The following DIAPH3 variants were observed in gnomAD, a reference collection of about 807,000 sequenced individuals.
DIAPH3 encodes diaphanous related formin 3.
DIAPH3 carries 117 observed loss-of-function variants against 144.3 expected under a neutral mutation model. That is an observed-to-expected ratio of 0.81 (90% CI 0.70 to 0.95). The LOEUF is 0.95. Ranked by LOEUF, DIAPH3 falls within the 40% of genes least tolerant of loss-of-function variation. The pLI is 0.00. For synonymous variants in DIAPH3, 519 were observed against 488.9 expected (o/e 1.06, Z -0.81); for missense variants, 1,421 against 1,412.7 (o/e 1.01, Z -0.09).
chr13:59,706,276 G>C (rs1009097898), intron 27 of DIAPH3, among the ~76,000 whole-genome samples: 1 of 152,046 alleles, frequency 6.6e-6, no homozygotes, highest in African/African-American at 2.4e-5. Context: ...GGTTGGTTGC[G>C]GCCACGGATG....
intron 16 of DIAPH3, 93 bp downstream of exon 16, chr13:59,970,759 A>G: frequency 8.8e-7 from 1 of 1,142,068 alleles, no homozygotes; most frequent in Non-Finnish European, 1.2e-6. Flanking sequence ...TTATGTAGGC[A>G]TAAATTAAAT....
At chr13:60,010,937 C>T (rs994593360) in intron 7 of DIAPH3, among the ~76,000 whole-genome samples, 1 of 151,816 alleles carries the variant, frequency 6.6e-6, no homozygotes, top group African/African-American at 2.4e-5. Context: ...GAAACCCCCT[C>T]TCTACTAAAA....
At chr13:59,813,141 T>TA (rs761714899) in intron 24 of DIAPH3, among the ~76,000 whole-genome samples, 190 of 136,360 alleles carry the variant, frequency 1.4e-3, no homozygotes, top group East Asian at 5.1e-3. Context: ...CGCAGAAACC[T>TA]AAAAAAAAAA....
intron 2 of DIAPH3, among the ~76,000 whole-genome samples, chr13:60,131,448 A>C (rs1313287248): frequency 1.3e-5 from 2 of 150,426 alleles, no homozygotes; most frequent in South Asian, 2.1e-4. Context: ...AAAAAAAAAA[A>C]AAAAAAAAAA....
intron 1 of DIAPH3, among the ~76,000 whole-genome samples, chr13:60,161,085 G>T (rs79494593): frequency 6.6e-6 from 1 of 152,126 alleles, no homozygotes; most frequent in Non-Finnish European, 1.5e-5. Flanking sequence ...TCTACTACTC[G>T]CTTGCTGCTT....
intron 27 of DIAPH3, among the ~76,000 whole-genome samples, chr13:59,726,017 G>A (rs1296936901): frequency 6.6e-6 from 1 of 152,044 alleles, no homozygotes; most frequent in Non-Finnish European, 1.5e-5. Flanking sequence ...ACTTGGTGGG[G>A]AAATATTTCT....
intron 24 of DIAPH3, among the ~76,000 whole-genome samples, chr13:59,816,768 CT>C (rs1241018831): frequency 2.0e-5 from 3 of 151,630 alleles, no homozygotes; most frequent in Non-Finnish European, 4.4e-5. Context: ...TAATCTGATA[CT>C]TTTATATAAT....
chr13:59,703,719 A>G (rs2034248870), intron 27 of DIAPH3, among the ~76,000 whole-genome samples: 1 of 152,154 alleles, frequency 6.6e-6, no homozygotes, highest in African/African-American at 2.4e-5. Context: ...TATTTGGATC[A>G]TCTAAATAAC....
At chr13:59,857,524 A>T (rs1283508765) in intron 22 of DIAPH3, among the ~76,000 whole-genome samples, 2 of 152,136 alleles carry the variant, frequency 1.3e-5, no homozygotes, top group Admixed American at 6.6e-5. Flanking sequence ...GGAAACAGAG[A>T]AATATGGCAA....
chr13:60,105,077 G>A (rs1214636169), intron 3 of DIAPH3, among the ~76,000 whole-genome samples: 1 of 107,792 alleles, frequency 9.3e-6, no homozygotes, highest in Non-Finnish European at 1.7e-5. Flanking sequence ...TCCAGCCTGG[G>A]CGACAAAGTG....
At chr13:59,917,261 A>T (rs866628943) in intron 18 of DIAPH3, among the ~76,000 whole-genome samples, 4 of 152,224 alleles carry the variant, frequency 2.6e-5, no homozygotes, top group Admixed American at 6.5e-5. Context: ...AACCATGGAT[A>T]TAAAAGCAGA....
chr13:60,057,470 C>T (rs551760167), intron 4 of DIAPH3, among the ~76,000 whole-genome samples: 2 of 152,110 alleles, frequency 1.3e-5, no homozygotes, highest in East Asian at 3.9e-4. Context: ...ACCATACTAC[C>T]TAAAGCAATC....
In DIAPH3 at chr13:59,684,041, G is replaced by A. The variant is rs766644671; in HGVS notation, c.3320-17195C>T. Among the ~76,000 whole-genome samples the A allele has an allele frequency of 1.1e-4, 17 of 151,422 alleles. 1 individual carries two copies. The highest frequency in any genetic ancestry group is 4.6e-4 in the Admixed American group (7 of 15,212). ...AAGTTGTTGTTAATATTCCCATTCT[G>A]CAGGGGGAGGAAAAAAAAAAAAACA... On this transcript the variant is annotated intron_variant, in intron 27 of 27. Coordinates refer to ENST00000400324, the MANE Select transcript of DIAPH3 (RefSeq NM_001042517.2).
At chr13:60,033,407 A>G (rs113760459) in intron 5 of DIAPH3, among the ~76,000 whole-genome samples, 1 of 152,144 alleles carries the variant, frequency 6.6e-6, no homozygotes, top group African/African-American at 2.4e-5. Context: ...GGTAATTTCT[A>G]AGGAAAAGAG....
chr13:59,795,494 G>A (rs1021657761), intron 25 of DIAPH3, among the ~76,000 whole-genome samples: 19 of 134,620 alleles, frequency 1.4e-4, no homozygotes, highest in Admixed American at 6.8e-4. Context: ...TCGCTCTCCC[G>A]CCCAGGCTGG....
At chr13:60,024,041 G>C (rs926192960) in intron 5 of DIAPH3, among the ~76,000 whole-genome samples, 8 of 151,380 alleles carry the variant, frequency 5.3e-5, no homozygotes, top group Non-Finnish European at 8.8e-5. Flanking sequence ...TTTTAGTAGA[G>C]ATGGGGTTTC....
At chr13:60,145,478 T>A (rs1048573340) in intron 1 of DIAPH3, among the ~76,000 whole-genome samples, 1 of 152,082 alleles carries the variant, frequency 6.6e-6, no homozygotes, top group Non-Finnish European at 1.5e-5. Flanking sequence ...AAACCCCGTC[T>A]CTACTAAAAA....
intron 25 of DIAPH3, among the ~76,000 whole-genome samples, chr13:59,776,142 A>G (rs2038402368): frequency 6.6e-6 from 1 of 152,208 alleles, no homozygotes; most frequent in Non-Finnish European, 1.5e-5. Context: ...CAATCCCTTT[A>G]CAGAGATAAG....
intron 20 of DIAPH3, among the ~76,000 whole-genome samples, chr13:59,881,368 C>T (rs2045032209): frequency 6.6e-6 from 1 of 152,084 alleles, no homozygotes; most frequent in Non-Finnish European, 1.5e-5. Context: ...CATAGCATCG[C>T]TGTTTTCAGT....
Sources: gnomAD v4.1 joint callset for allele counts (sites outside exome capture counted in the v4.1 genomes callset) on GRCh38, gnomAD v4.1.1 for gene constraint, MANE v1.5 for transcripts, NCBI Gene and HGNC (gene_info 2026-07-23, HGNC 2026-07-21) for gene names.